The following PARD3 variants were observed in gnomAD, a reference collection of about 807,000 sequenced individuals.
PARD3 encodes partitioning defective 3 homolog.
A neutral mutation model predicts 155.4 loss-of-function variants in PARD3; 75 were observed. The ratio of observed to expected loss-of-function variants is 0.48; its 90% CI spans 0.40 to 0.58. The LOEUF (loss-of-function observed/expected upper bound fraction) is 0.58. Ranked by LOEUF, PARD3 falls within the 20% of genes least tolerant of loss-of-function variation. The pLI, the probability that PARD3 is intolerant of heterozygous loss-of-function variation, is 0.00. For synonymous variants in PARD3, 576 were observed against 610.5 expected (o/e 0.94, Z 0.83); for missense variants, 1,642 against 1,721.7 (o/e 0.95, Z 0.82).
intron 14 of PARD3, among the ~76,000 whole-genome samples, chr10:34,356,290 G>A (rs1395999174): frequency 6.6e-6 from 1 of 152,160 alleles, no homozygotes; most frequent in Non-Finnish European, 1.5e-5. Context: ...GGTGGCTCAT[G>A]CCTGAAATCT....
chr10:34,478,593 G>C (rs1469836980), intron 3 of PARD3, among the ~76,000 whole-genome samples: 1 of 152,180 alleles, frequency 6.6e-6, no homozygotes, highest in Non-Finnish European at 1.5e-5. Flanking sequence ...GCCCAGGCTG[G>C]AGTGTAATGG....
At chr10:34,742,836 T>G (rs887534821) in intron 1 of PARD3, among the ~76,000 whole-genome samples, 4 of 152,212 alleles carry the variant, frequency 2.6e-5, no homozygotes, top group Non-Finnish European at 5.9e-5. Flanking sequence ...TCGTGAAGAA[T>G]CTACAATCAC....
chr10:34,727,546 C>T (rs1331479945), intron 1 of PARD3, among the ~76,000 whole-genome samples: 1 of 146,342 alleles, frequency 6.8e-6, no homozygotes, highest in Non-Finnish European at 1.5e-5. Flanking sequence ...AGTCTGAGCA[C>T]AGCAATGAGA....
chr10:34,780,944 A>C (rs1588714675), intron 1 of PARD3, among the ~76,000 whole-genome samples: 2 of 152,250 alleles, frequency 1.3e-5, no homozygotes, highest in African/African-American at 4.8e-5. Context: ...TCACACAGCT[A>C]TAACGGGAAA....
chr10:34,692,200 C>A (rs2094076190), intron 2 of PARD3, among the ~76,000 whole-genome samples: 1 of 149,630 alleles, frequency 6.7e-6, no homozygotes, highest in Non-Finnish European at 1.5e-5. Context: ...CCATTGCACT[C>A]CAGCCTGGGT....
At chr10:34,146,262 T>C (rs1286950621) in intron 22 of PARD3, among the ~76,000 whole-genome samples, 1 of 152,194 alleles carries the variant, frequency 6.6e-6, no homozygotes, top group Admixed American at 6.5e-5. Flanking sequence ...TTTTCAAGAA[T>C]AAAACTGGTA....
chr10:34,187,894 A>C (rs1950553413), intron 22 of PARD3, among the ~76,000 whole-genome samples: 1 of 152,166 alleles, frequency 6.6e-6, no homozygotes, highest in Admixed American at 6.6e-5. Flanking sequence ...CTATCTCTCT[A>C]CCGTGGCGAT....
At chr10:34,244,497 T>C (rs1953813427) in intron 22 of PARD3, among the ~76,000 whole-genome samples, 1 of 152,188 alleles carries the variant, frequency 6.6e-6, no homozygotes, top group Non-Finnish European at 1.5e-5. Context: ...ATCAGGAGGA[T>C]ATTATATCAT....
chr10:34,405,079 A>AACACACAC (rs200596601), intron 5 of PARD3, among the ~76,000 whole-genome samples: 216 of 59,438 alleles, frequency 3.6e-3, no homozygotes, highest in South Asian at 4.5e-3. Context: ...CACAAACACA[A>AACACACAC]ACACACACAC....
chr10:34,170,244 C>T (rs769308286), intron 22 of PARD3, among the ~76,000 whole-genome samples: 58 of 152,222 alleles, frequency 3.8e-4, no homozygotes, highest in Non-Finnish European at 5.3e-4. Context: ...CACACCACCA[C>T]GCCCAGCTAA....
intron 2 of PARD3, among the ~76,000 whole-genome samples, chr10:34,681,458 A>G (rs549903617): frequency 6.6e-6 from 1 of 151,836 alleles, no homozygotes; most frequent in South Asian, 2.1e-4. Flanking sequence ...CACACCTCCT[A>G]ATTTATCCAG....
intron 2 of PARD3, among the ~76,000 whole-genome samples, chr10:34,629,162 TA>T (rs1362972514): frequency 1.3e-5 from 2 of 152,216 alleles, no homozygotes; most frequent in Non-Finnish European, 2.9e-5. Context: ...CATCTGCCCA[TA>T]CACTGTGGAC....
chr10:34,536,289 A>G (rs1449147115), intron 2 of PARD3, among the ~76,000 whole-genome samples: 1 of 152,246 alleles, frequency 6.6e-6, no homozygotes, highest in African/African-American at 2.4e-5. Flanking sequence ...TAATGTTGTT[A>G]TATCTTCAAA....
rs1032215643 is a variant in PARD3, at chr10:34,634,165, T to C, written c.222+62153A>G. On this transcript the variant is annotated intron_variant, in intron 2 of 24. Coordinates refer to ENST00000374788, the MANE Select transcript of PARD3 (RefSeq NM_001184785.2). The stretch of plus-strand genomic sequence containing the variant: ...CACTATTTGGGGAGAACCCTGGGAA[T>C]AGATCCAAGGCGGCTTGTTTGGAAA... Among the ~76,000 whole-genome samples, 8 of 152,164 alleles carry C rather than the reference T, an allele frequency of 5.3e-5. No individual in the cohort carries two copies. In the East Asian group the frequency reaches 9.6e-4, roughly 18 times the overall value.
chr10:34,211,256 T>G (rs907997369), intron 22 of PARD3, among the ~76,000 whole-genome samples: 2 of 152,144 alleles, frequency 1.3e-5, no homozygotes, highest in Non-Finnish European at 2.9e-5. Flanking sequence ...GGGGGCTGCA[T>G]AAGGATTTGG....
At chr10:34,448,889 A>G (rs1486349308) in intron 5 of PARD3, among the ~76,000 whole-genome samples, 2 of 150,780 alleles carry the variant, frequency 1.3e-5, no homozygotes, top group Non-Finnish European at 3.0e-5. Context: ...ACACAAAATT[A>G]TATCTATGTA....
chr10:34,315,360 A>G (rs1957945503), intron 20 of PARD3, among the ~76,000 whole-genome samples: 1 of 152,202 alleles, frequency 6.6e-6, no homozygotes, highest in Admixed American at 6.5e-5. Context: ...AAGATCACTT[A>G]TAATTAATGG....
intron 2 of PARD3, among the ~76,000 whole-genome samples, chr10:34,625,898 CG>C (rs1186315886): frequency 6.6e-6 from 1 of 152,140 alleles, no homozygotes; most frequent in Admixed American, 6.5e-5. Flanking sequence ...GCAATAAGAG[CG>C]AAACTCCACC....
rs1004980065 is a variant in PARD3 at position 34,515,819 on chromosome 10, TTATA to T, written c.403+1156_403+1159del. Reference sequence around the variant, plus strand: ...TATCTACCTATATTCTGTATCTTAATTATATATATATTTTATTAACACATATTAT... The same window carrying T: ...TATCTACCTATATTCTGTATCTTAATTATATATTTTATTAACACATATTAT... On this transcript the variant is annotated intron_variant, in intron 3 of 24. Transcript: ENST00000374788. Among the ~76,000 whole-genome samples, 3 of 151,976 alleles carry T rather than the reference TTATA, an allele frequency of 2.0e-5. No homozygotes were observed. The South Asian group carries it at 6.2e-4, about 32-fold the overall frequency.
Sources: gnomAD v4.1 joint callset for allele counts (sites outside exome capture counted in the v4.1 genomes callset) on GRCh38, gnomAD v4.1.1 for gene constraint, MANE v1.5 for transcripts, NCBI Gene and HGNC (gene_info 2026-07-23, HGNC 2026-07-21) for gene names.